NCOA2: variants seen among roughly 807,000 people sequenced by gnomAD.
The protein encoded by NCOA2 is class E basic helix-loop-helix protein 75.
A neutral mutation model predicts 145.1 loss-of-function variants in NCOA2; 21 were observed. That is an observed-to-expected ratio of 0.14 (90% CI 0.10 to 0.21). NCOA2 has a LOEUF of 0.21. NCOA2 is among the 10% of genes least tolerant of loss of function. The probability of loss-of-function intolerance (pLI) is 1.00; values close to 1 mark genes in which losing one functional copy is unlikely to be tolerated. For missense variants in NCOA2, 1,472 were observed against 1,837.6 expected (o/e 0.80, Z 3.64); for synonymous variants, 619 against 637.5 (o/e 0.97, Z 0.44).
chr8:70,366,993 T>C (rs1810755555), intron 1 of NCOA2, among the ~76,000 whole-genome samples: 1 of 152,196 alleles, frequency 6.6e-6, no homozygotes, highest in African/African-American at 2.4e-5. Context: ...GAGGATACTC[T>C]CATCATCCAC....
chr8:70,351,363 T>G (rs958918948), intron 1 of NCOA2, among the ~76,000 whole-genome samples: 1 of 152,200 alleles, frequency 6.6e-6, no homozygotes, highest in Admixed American at 6.5e-5. Context: ...ATCAACTGAT[T>G]GTACTTGTTT....
At chr8:70,259,574 G>A (rs1000415598) in intron 2 of NCOA2, among the ~76,000 whole-genome samples, 3 of 151,998 alleles carry the variant, frequency 2.0e-5, no homozygotes, top group African/African-American at 7.2e-5. Context: ...TAAAAGACAT[G>A]GAAGAGAAAT....
At chr8:70,346,164 A>T (rs1018574196) in intron 1 of NCOA2, among the ~76,000 whole-genome samples, 58 of 152,334 alleles carry the variant, frequency 3.8e-4, no homozygotes, top group Admixed American at 2.0e-3. Context: ...CTAAGCATTT[A>T]ATAAGAAAAT....
At position 70,340,865 on chromosome 8, in the gene NCOA2, T is replaced by C. The variant is rs146008312; in HGVS notation, c.-76-44065A>G. ...AACACCGCATGTTTTTACTTGTAAG[T>C]GGGAGTTGAATGATAAGAACACATG... is the stretch of plus-strand genomic sequence containing the variant. On this transcript the variant is annotated intron_variant, in intron 1 of 22. Coordinates refer to ENST00000452400, the MANE Select transcript of NCOA2 (RefSeq NM_006540.4). 5.1e-3 allele frequency among the ~76,000 whole-genome samples: 776 copies of C among 151,856 alleles called. 2 individuals carry two copies. Among genetic ancestry groups the C allele is most frequent in the Middle Eastern group, 0.014 (4 of 294 alleles).
intron 1 of NCOA2, among the ~76,000 whole-genome samples, chr8:70,382,338 A>C (rs1003731078): frequency 1.3e-5 from 2 of 152,048 alleles, no homozygotes; most frequent in African/African-American, 4.8e-5. Flanking sequence ...TTTCCCAATA[A>C]AGAAACTGGC....
At chr8:70,135,164 C>T (rs1199096554) in intron 15 of NCOA2, among the ~76,000 whole-genome samples, 11 of 152,144 alleles carry the variant, frequency 7.2e-5, no homozygotes, top group Non-Finnish European at 1.5e-4. Flanking sequence ...CACCAGAAAA[C>T]CAATACCTTG....
intron 4 of NCOA2, among the ~76,000 whole-genome samples, chr8:70,181,394 T>TC (rs1815467209): frequency 6.6e-6 from 1 of 152,222 alleles, no homozygotes; most frequent in Admixed American, 6.5e-5. Context: ...AATTAGTCTA[T>TC]CTTCAAAAAG....
chr8:70,142,260 T>C (rs989011412), intron 13 of NCOA2, among the ~76,000 whole-genome samples: 3 of 152,258 alleles, frequency 2.0e-5, no homozygotes, highest in Non-Finnish European at 4.4e-5. Context: ...CTTTCAAATA[T>C]ATGGCTGCTT....
chr8:70,305,460 G>A (rs553725791), intron 1 of NCOA2, among the ~76,000 whole-genome samples: 2 of 152,194 alleles, frequency 1.3e-5, no homozygotes, highest in Non-Finnish European at 2.9e-5. Flanking sequence ...GAGGGCAAGA[G>A]AGGAGGTGTC....
intron 7 of NCOA2, 145 bp downstream of exon 7, chr8:70,166,421 A>G: frequency 1.1e-6 from 1 of 930,166 alleles, no homozygotes; most frequent in Non-Finnish European, 1.7e-6. Context: ...AGACTTAAAA[A>G]TTTCCATCAC....
rs187848241 is a variant in NCOA2, at chr8:70,159,559, C to T, written c.1070G>A (p.Arg357His). 284 of 1,611,738 alleles carry T rather than the reference C, an allele frequency of 1.8e-4. 1 individual carries two copies. The highest frequency in any genetic ancestry group is 2.7e-5 in the African/African-American group (2 of 74,924). Residue 357 changes from arginine to histidine, a missense_variant, in exon 10 of 23, where the codon CGT (arginine) becomes CAT (histidine). Transcript: ENST00000452400. ...VAAQTKSKLI[R>H]SQTTNEPQLV... ...TTGAGGTTCATTAGTAGTCTGAGAA[C>T]GGATGAGTTTGCTCTTCGTTTGTGC...
At chr8:70,190,819 G>A (rs964861176) in intron 4 of NCOA2, among the ~76,000 whole-genome samples, 8 of 152,192 alleles carry the variant, frequency 5.3e-5, no homozygotes, top group East Asian at 3.8e-4. Context: ...TCACCTGGGC[G>A]ATGGAGTGAG....
At chr8:70,400,448 C>G (rs1814128631) in intron 1 of NCOA2, among the ~76,000 whole-genome samples, 1 of 152,086 alleles carries the variant, frequency 6.6e-6, no homozygotes, top group African/African-American at 2.4e-5. Flanking sequence ...AAGAATCTTA[C>G]CACATTTTCA....
the NCOA2 span, among the ~76,000 whole-genome samples, chr8:70,435,371 G>A: frequency 1.5e-5 from 2 of 136,640 alleles, no homozygotes; most frequent in Non-Finnish European, 3.0e-5. Context: ...CTTGCAGTGA[G>A]CCGGGATAGC....
the NCOA2 span, among the ~76,000 whole-genome samples, chr8:70,427,800 A>G: frequency 2.6e-5 from 4 of 152,304 alleles, no homozygotes; most frequent in Admixed American, 2.0e-4. Context: ...ATGCCATGTG[A>G]CACTCCGTCA....
At position 70,166,641 on chromosome 8, in the gene NCOA2, C is replaced by T. The variant is rs766968147; in HGVS notation, c.655G>A (p.Glu219Lys). 3 of 1,613,852 alleles carry T rather than the reference C, an allele frequency of 1.9e-6. No homozygotes were observed. Among genetic ancestry groups the T allele is most frequent in the South Asian group, 2.2e-5 (2 of 91,078 alleles). The change falls in exon 7 of 23, where the codon GAA becomes AAA. Residue 219 changes from glutamate (E) to lysine (K), a missense_variant. Coordinates refer to ENST00000452400, the MANE Select transcript of NCOA2 (RefSeq NM_006540.4). Reference sequence around the variant, plus strand: ...ATAGTTTCATATTTCTGATGAGCTTCCTGGTTATCATGACCCTCCTCTTCT... The same window carrying T: ...ATAGTTTCATATTTCTGATGAGCTTTCTGGTTATCATGACCCTCCTCTTCT... ...DSEEEGHDNQ[E>K]AHQKYETMQC...
At chr8:70,413,097 C>CAAAA in the NCOA2 span, among the ~76,000 whole-genome samples, 4 of 59,312 alleles carry the variant, frequency 6.7e-5, no homozygotes, top group Non-Finnish European at 1.2e-4. Flanking sequence ...GACTCCGTCT[C>CAAAA]AAAAAAAAAA....
rs977932907 is a variant in NCOA2 at position 70,292,800 on chromosome 8, G to A, written c.-20+3944C>T. On this transcript the variant is annotated intron_variant, in intron 2 of 22. Coordinates refer to ENST00000452400, the MANE Select transcript of NCOA2 (RefSeq NM_006540.4). ...TTTAATGAGGAAAACTAAGCTAACC[G>A]GTTCACACTAATGTGTGCACATAAA... Among the ~76,000 whole-genome samples, 7 of 152,154 alleles carry A rather than the reference G, an allele frequency of 4.6e-5. No individual in the cohort carries two copies. In the East Asian group the frequency reaches 1.2e-3, roughly 25 times the overall value.
In NCOA2 at chr8:70,112,038, A is replaced by C; in HGVS notation, c.*1594T>G. 4.7e-6 allele frequency: 1 copy of C among 213,224 alleles called. No individual in the cohort carries two copies. Among genetic ancestry groups the C allele is most frequent in the Non-Finnish European group, 9.5e-6 (1 of 105,134 alleles). The allele number at this position is 213,224 out of a possible 1,614,324, so 13.2% of individuals were successfully genotyped here. A position where few individuals can be genotyped will look rare whatever the true frequency, so the allele number is the denominator to read the frequency against. On this transcript the variant is annotated 3_prime_UTR_variant, in exon 23 of 23. Coordinates refer to ENST00000452400, the MANE Select transcript of NCOA2 (RefSeq NM_006540.4). ...CCCTACCAGAGTGGGCAAGAAAAAC[A>C]ACCATAAAAGTGGCCTGCTTAGTAA...
Sources: gnomAD v4.1 joint callset for allele counts (sites outside exome capture counted in the v4.1 genomes callset) on GRCh38, gnomAD v4.1.1 for gene constraint, MANE v1.5 for transcripts, NCBI Gene and HGNC (gene_info 2026-07-23, HGNC 2026-07-21) for gene names.